Variants in KYNU observed in about 807,000 individuals in gnomAD.
The protein encoded by KYNU is kynureninase.
KYNU carries 54 observed loss-of-function variants against 59.2 expected under a neutral mutation model. The observed-to-expected ratio is 0.91, with a 90% confidence interval of 0.73 to 1.14. The LOEUF is 1.14. Ranked by LOEUF, KYNU falls within the 50% of genes most tolerant of loss-of-function variation. KYNU has a pLI of 0.00. For synonymous variants in KYNU, 177 were observed against 192.0 expected (o/e 0.92, Z 0.65); for missense variants, 567 against 554.4 (o/e 1.02, Z -0.23).
At chr2:143,015,041 G>T (rs1686210306) in intron 10 of KYNU, among the ~76,000 whole-genome samples, 1 of 152,104 alleles carries the variant, frequency 6.6e-6, no homozygotes, top group South Asian at 2.1e-4. Flanking sequence ...CTAAAGGTGT[G>T]TGCCACCATG....
rs1476593589 is a variant in KYNU, at chr2:142,960,674, A to G, written c.633A>G (p.Glu211=). 1 of 1,613,160 alleles carries G rather than the reference A, an allele frequency of 6.2e-7. No individual in the cohort carries two copies. The highest frequency in any genetic ancestry group is 1.1e-5 in the South Asian group (1 of 91,052). The change falls in exon 8 of 14, where the codon GAA becomes GAG. Residue 211 remains glutamate (E), a synonymous_variant. Transcript: ENST00000264170. ...IEDILEVIEK[E]GDSIAVILFS... is the part of the protein sequence containing the mutation. The stretch of plus-strand genomic sequence containing the variant: ...ATATCCTTGAAGTAATTGAGAAGGA[A>G]GGAGACTCAATTGCAGTGATCCTGT...
chr2:142,921,420 A>G (rs1418850610), intron 3 of KYNU, among the ~76,000 whole-genome samples: 1 of 152,146 alleles, frequency 6.6e-6, no homozygotes, highest in East Asian at 1.9e-4. Flanking sequence ...GATGTGTTCA[A>G]AGTAGTCAGA....
intron 11 of KYNU, among the ~76,000 whole-genome samples, chr2:143,032,302 C>CAAAAAAA (rs71939125): frequency 6.8e-6 from 1 of 148,088 alleles, no homozygotes; most frequent in Non-Finnish European, 1.5e-5. Flanking sequence ...AAAAAAAAAA[C>CAAAAAAA]AAAACAAAAA....
At chr2:143,010,659 C>A (rs1686063759) in intron 10 of KYNU, among the ~76,000 whole-genome samples, 1 of 147,748 alleles carries the variant, frequency 6.8e-6, no homozygotes, top group South Asian at 2.2e-4. Flanking sequence ...TGACTTCAAA[C>A]TATACTACAA....
chr2:143,010,823 A>T (rs1295063718), intron 10 of KYNU, among the ~76,000 whole-genome samples: 1 of 144,834 alleles, frequency 6.9e-6, no homozygotes, highest in African/African-American at 2.6e-5. Flanking sequence ...AGGATTCCCT[A>T]TTTAATAAAT....
chr2:143,013,204 G>T (rs1324111468), intron 10 of KYNU, among the ~76,000 whole-genome samples: 1 of 151,986 alleles, frequency 6.6e-6, no homozygotes, highest in Non-Finnish European at 1.5e-5. Context: ...GCTCATCCAT[G>T]TTGTGGTAAA....
At chr2:143,041,053 CTTAT>C (rs1404726372) in intron 13 of KYNU, among the ~76,000 whole-genome samples, 6 of 151,962 alleles carry the variant, frequency 3.9e-5, no homozygotes, top group African/African-American at 1.4e-4. Flanking sequence ...AAAAGAAAGT[CTTAT>C]TTAGTCGCTT....
At chr2:142,907,215 C>G (rs1682328866) in intron 2 of KYNU, among the ~76,000 whole-genome samples, 1 of 152,182 alleles carries the variant, frequency 6.6e-6, no homozygotes, top group South Asian at 2.1e-4. Flanking sequence ...GGCAGCAAGC[C>G]TTTTGTTCTC....
intron 4 of KYNU, among the ~76,000 whole-genome samples, chr2:142,936,953 G>A (rs560413712): frequency 6.6e-6 from 1 of 152,342 alleles, no homozygotes; most frequent in East Asian, 1.9e-4. Context: ...GTGGTGTGGA[G>A]CAACATGCTG....
intron 10 of KYNU, among the ~76,000 whole-genome samples, chr2:143,017,318 A>C (rs1686279629): frequency 1.3e-5 from 2 of 152,112 alleles, no homozygotes; most frequent in African/African-American, 4.8e-5. Flanking sequence ...AGAAATATCC[A>C]AACTGCTTTC....
intron 8 of KYNU, among the ~76,000 whole-genome samples, chr2:142,969,567 ATCAGGTGTTTAATTTAAGCT>A: frequency 6.6e-6 from 1 of 152,216 alleles, no homozygotes; most frequent in Non-Finnish European, 1.5e-5. Context: ...AGAAGTCTTC[ATCAGGTGTTTAATTTAAGCT>A]TTTGATTAAA....
chr2:142,962,912 G>A (rs1264692657), intron 8 of KYNU, among the ~76,000 whole-genome samples: 1 of 152,064 alleles, frequency 6.6e-6, no homozygotes, highest in Non-Finnish European at 1.5e-5. Flanking sequence ...GAAGAGAGAG[G>A]CAGAGAAGAA....
Position 143,033,163 on chromosome 2 carries a change from C to G in KYNU, c.956-73C>G, listed in dbSNP as rs977775215. 9 of 1,009,578 alleles carry G rather than the reference C, an allele frequency of 8.9e-6. No individual in the cohort carries two copies. In the African/African-American group the frequency reaches 1.4e-4, roughly 16 times the overall value. 62.5% of individuals were successfully genotyped at this position (1,009,578 alleles called of 1,614,324 possible). A position where few individuals can be genotyped will look rare whatever the true frequency, so the allele number is the denominator to read the frequency against. The stretch of plus-strand genomic sequence containing the variant: ...AGTTTAAGTCTTGCTCTTTTACTCT[C>G]CAGTACTCTAGTATCTTTATGGACA... On this transcript the variant is annotated intron_variant, in intron 11 of 13. Coordinates refer to ENST00000264170, the MANE Select transcript of KYNU (RefSeq NM_003937.3).
At chr2:142,965,340 C>G (rs111957861) in intron 8 of KYNU, among the ~76,000 whole-genome samples, 14 of 152,266 alleles carry the variant, frequency 9.2e-5, no homozygotes, top group African/African-American at 3.4e-4. Context: ...GTCTGTCTTT[C>G]TTTTAATATT....
intron 8 of KYNU, among the ~76,000 whole-genome samples, chr2:142,976,413 T>G (rs1684883153): frequency 6.6e-6 from 1 of 152,204 alleles, no homozygotes; most frequent in Non-Finnish European, 1.5e-5. Context: ...CTGAGTGGCA[T>G]GGAGAAGTGT....
At chr2:142,989,665 C>A in intron 10 of KYNU, 2 of 237,812 alleles carry the variant, frequency 8.4e-6, no homozygotes, top group Non-Finnish European at 1.4e-5. Flanking sequence ...GCAGTTTAAG[C>A]CTTCAATAAA....
intron 4 of KYNU, among the ~76,000 whole-genome samples, chr2:142,944,869 C>T (rs1683721689): frequency 6.6e-6 from 1 of 152,202 alleles, no homozygotes; most frequent in Non-Finnish European, 1.5e-5. Flanking sequence ...AAGTGAATCA[C>T]ACACATTTTT....
At chr2:142,925,611 A>G (rs1683022605) in intron 3 of KYNU, among the ~76,000 whole-genome samples, 1 of 152,256 alleles carries the variant, frequency 6.6e-6, no homozygotes, top group African/African-American at 2.4e-5. Flanking sequence ...ATAGCTTCCA[A>G]TAAATGTGGT....
At chr2:142,943,072 G>GT (rs1482494550) in intron 4 of KYNU, among the ~76,000 whole-genome samples, 3 of 152,118 alleles carry the variant, frequency 2.0e-5, no homozygotes, top group Non-Finnish European at 2.9e-5. Flanking sequence ...CGAGTTTCAG[G>GT]TTTTTTTCTA....
Sources: gnomAD v4.1 joint callset for allele counts (sites outside exome capture counted in the v4.1 genomes callset) on GRCh38, gnomAD v4.1.1 for gene constraint, MANE v1.5 for transcripts, NCBI Gene and HGNC (gene_info 2026-07-23, HGNC 2026-07-21) for gene names.